The following NLGN1 variants were observed in gnomAD, a reference collection of about 807,000 sequenced individuals.
NLGN1 encodes the protein neuroligin-1.
NLGN1 carries 12 observed loss-of-function variants against 65.5 expected under a neutral mutation model. The observed-to-expected ratio is 0.18, with a 90% CI of 0.12 to 0.30. The LOEUF (loss-of-function observed/expected upper bound fraction) is 0.30, where lower values mean the gene tolerates loss of function less well. NLGN1 is among the 10% of genes least tolerant of loss of function. The pLI, the probability that NLGN1 is intolerant of heterozygous loss-of-function variation, is 1.00. For synonymous variants in NLGN1, 350 were observed against 359.5 expected (o/e 0.97, Z 0.30); for missense variants, 750 against 1,007.1 (o/e 0.74, Z 3.46).
intron 4 of NLGN1, among the ~76,000 whole-genome samples, chr3:174,154,950 A>ATAATATAATATATAATTATATATTATATG (rs1725074212): frequency 7.2e-6 from 1 of 139,502 alleles, no homozygotes; most frequent in Non-Finnish European, 1.5e-5. Flanking sequence ...TATATAATAT[A>ATAATATAATATATAATTATATATTATATG]TAATATAATA....
At chr3:174,064,587 A>G (rs1036708799) in intron 4 of NLGN1, among the ~76,000 whole-genome samples, 2 of 149,866 alleles carry the variant, frequency 1.3e-5, no homozygotes, top group African/African-American at 4.9e-5. Context: ...ATATTAATGT[A>G]TGATACATAT....
At chr3:173,612,786 C>A (rs886070627) in intron 3 of NLGN1, among the ~76,000 whole-genome samples, 6 of 152,064 alleles carry the variant, frequency 3.9e-5, no homozygotes. Context: ...TTTTGCAGTT[C>A]TGGAGACTAA....
At chr3:173,621,105 A>G (rs776236333) in intron 3 of NLGN1, among the ~76,000 whole-genome samples, 35 of 152,168 alleles carry the variant, frequency 2.3e-4, no homozygotes, top group Non-Finnish European at 3.4e-4. Flanking sequence ...ACAGAAGCAT[A>G]CAAGTACTGC....
chr3:173,589,922 T>G (rs953356679), intron 2 of NLGN1, among the ~76,000 whole-genome samples: 6 of 152,190 alleles, frequency 3.9e-5, no homozygotes, highest in Non-Finnish European at 4.4e-5. Context: ...CATATTGTCA[T>G]ATGGAATACT....
chr3:173,463,666 G>T (rs921213445), intron 2 of NLGN1, among the ~76,000 whole-genome samples: 10 of 152,074 alleles, frequency 6.6e-5, no homozygotes, highest in African/African-American at 2.4e-4. Context: ...CGGGATTCCT[G>T]GTATCCTTTC....
chr3:174,233,353 G>A (rs781151549), intron 4 of NLGN1, among the ~76,000 whole-genome samples: 20 of 151,962 alleles, frequency 1.3e-4, no homozygotes, highest in Non-Finnish European at 2.5e-4. Flanking sequence ...GGGAGTGGTG[G>A]CGCATGCCTG....
At chr3:173,835,714 T>G (rs2150632093) in intron 4 of NLGN1, among the ~76,000 whole-genome samples, 1 of 152,084 alleles carries the variant, frequency 6.6e-6, no homozygotes, top group South Asian at 2.1e-4. Flanking sequence ...GAATTAAAGT[T>G]ATGAATTGCA....
At chr3:173,856,059 T>G (rs1727883708) in intron 4 of NLGN1, among the ~76,000 whole-genome samples, 1 of 152,126 alleles carries the variant, frequency 6.6e-6, no homozygotes, top group South Asian at 2.1e-4. Flanking sequence ...CTGGACCCTC[T>G]AGCAACAACA....
downstream of NLGN1, among the ~76,000 whole-genome samples, chr3:174,290,022 T>A (rs1203246919): frequency 6.8e-6 from 1 of 147,264 alleles, no homozygotes; most frequent in Non-Finnish European, 1.5e-5. Context: ...CTGGAAATGT[T>A]CCATGTGAGG....
intron 3 of NLGN1, among the ~76,000 whole-genome samples, chr3:173,715,887 GA>G (rs3835154): frequency 0.51 from 76,669 of 150,302 alleles, 20,518 homozygotes; most frequent in East Asian, 0.74. Flanking sequence ...TCAGAGTTTT[GA>G]AAAAAAAAAT....
At chr3:173,474,831 G>A (rs688356) in intron 2 of NLGN1, among the ~76,000 whole-genome samples, 15,461 of 151,964 alleles carry the variant, frequency 0.1, 871 homozygotes, top group Admixed American at 0.14. Flanking sequence ...GGTGGTGCAC[G>A]CCTGTAATCC....
chr3:173,715,378 A>G (rs540118265), intron 3 of NLGN1, among the ~76,000 whole-genome samples: 55 of 152,308 alleles, frequency 3.6e-4, no homozygotes, highest in African/African-American at 1.3e-3. Context: ...TGGCTTCAAT[A>G]GTAAGAGAAT....
chr3:174,272,086 T>G (rs1436974095), intron 4 of NLGN1, among the ~76,000 whole-genome samples: 1 of 151,672 alleles, frequency 6.6e-6, no homozygotes, highest in African/African-American at 2.4e-5. Context: ...GAACTTAAAA[T>G]GAGTGTCAAG....
At chr3:174,240,973 G>A (rs994802450) in intron 4 of NLGN1, among the ~76,000 whole-genome samples, 1 of 151,988 alleles carries the variant, frequency 6.6e-6, no homozygotes, top group Non-Finnish European at 1.5e-5. Context: ...CTTGTGCCAC[G>A]TCTTCTACTT....
chr3:173,704,151 A>C (rs922360724), intron 3 of NLGN1, among the ~76,000 whole-genome samples: 1 of 152,200 alleles, frequency 6.6e-6, no homozygotes, highest in African/African-American at 2.4e-5. Flanking sequence ...CCAGTGCAAA[A>C]ACTACTTGGT....
intron 4 of NLGN1, among the ~76,000 whole-genome samples, chr3:174,142,034 C>G (rs1722376808): frequency 6.6e-6 from 1 of 152,028 alleles, no homozygotes; most frequent in Admixed American, 6.6e-5. Context: ...TCAACTTTCC[C>G]CCTACCCTCA....
chr3:173,463,469 C>T (rs910415516), intron 2 of NLGN1, among the ~76,000 whole-genome samples: 1 of 152,184 alleles, frequency 6.6e-6, no homozygotes. Flanking sequence ...CCAACCTTAA[C>T]TACAAATGTT....
chr3:173,628,677 A>G (rs897239001), intron 3 of NLGN1, among the ~76,000 whole-genome samples: 13 of 151,588 alleles, frequency 8.6e-5, no homozygotes, highest in Admixed American at 2.6e-4. Flanking sequence ...TGGATGTAAT[A>G]TTTTATTTTA....
intron 4 of NLGN1, among the ~76,000 whole-genome samples, chr3:173,971,533 A>G (rs1716223674): frequency 6.6e-6 from 1 of 152,120 alleles, no homozygotes. Context: ...ATTAAGGAGA[A>G]TATGTACACA....
Sources: gnomAD v4.1 joint callset for allele counts (sites outside exome capture counted in the v4.1 genomes callset) on GRCh38, gnomAD v4.1.1 for gene constraint, MANE v1.5 for transcripts, NCBI Gene and HGNC (gene_info 2026-07-23, HGNC 2026-07-21) for gene names.